The following AUTS2 variants were observed in gnomAD, a reference collection of about 807,000 sequenced individuals.
AUTS2 encodes autism susceptibility gene 2 protein.
Under a neutral mutation model 112.4 loss-of-function variants are expected in AUTS2, and 17 were observed. That is an observed-to-expected ratio of 0.15 (90% CI 0.10 to 0.23). The LOEUF is 0.23. Ranked by LOEUF, AUTS2 falls within the 10% of genes least tolerant of loss-of-function variation. AUTS2 has a pLI of 1.00. For synonymous variants in AUTS2, 751 were observed against 702.7 expected (o/e 1.07, Z -1.09); for missense variants, 1,510 against 1,701.6 (o/e 0.89, Z 1.98).
At chr7:70,575,233 G>A (rs1477281016) in intron 5 of AUTS2, among the ~76,000 whole-genome samples, 4 of 152,126 alleles carry the variant, frequency 2.6e-5, no homozygotes, top group African/African-American at 9.7e-5. Flanking sequence ...CCTTCTCCAG[G>A]AACAGAAAGC....
intron 4 of AUTS2, among the ~76,000 whole-genome samples, chr7:70,226,055 A>G (rs986352817): frequency 1.3e-5 from 2 of 152,238 alleles, no homozygotes; most frequent in African/African-American, 4.8e-5. Context: ...AGTTTATTCA[A>G]TTGAACATGT....
At chr7:70,162,631 T>C (rs1330733351) in intron 4 of AUTS2, among the ~76,000 whole-genome samples, 6 of 152,162 alleles carry the variant, frequency 3.9e-5, no homozygotes, top group Non-Finnish European at 8.8e-5. Flanking sequence ...CTAAGACTGC[T>C]ACTATAAATC....
At chr7:69,963,210 G>A (rs1797500257) in intron 2 of AUTS2, among the ~76,000 whole-genome samples, 1 of 152,068 alleles carries the variant, frequency 6.6e-6, no homozygotes. Flanking sequence ...TTAAGGATAA[G>A]TTATTAATAA....
chr7:70,091,685 A>T (rs989645355), intron 2 of AUTS2, among the ~76,000 whole-genome samples: 2 of 152,174 alleles, frequency 1.3e-5, no homozygotes. Context: ...TTCTTGGCAG[A>T]TGAAGGATAA....
chr7:70,785,958 C>G lies in AUTS2; in HGVS notation c.2228C>G (p.Pro743Arg). 6.2e-7 allele frequency: 1 copy of G among 1,613,914 alleles called. No individual in the cohort carries two copies. Residue 743 changes from proline (P) to arginine (R), a missense_variant, in exon 17 of 19, where the codon CCT becomes CGT. By Grantham distance (103) the Pro-to-Arg change is moderately radical. Coordinates refer to ENST00000342771, the MANE Select transcript of AUTS2 (RefSeq NM_015570.4). ...TTCTTCCCCATCTTGTTTGCAGAGCCTTTTAATCGGCCGTCTACATTCACA... is the reference window on the plus strand; with the variant it reads ...TTCTTCCCCATCTTGTTTGCAGAGCGTTTTAATCGGCCGTCTACATTCACA... Reference protein sequence around the residue: ...NFLNPAAHLEPFNRPSTFTGL... With the variant: ...NFLNPAAHLERFNRPSTFTGL...
At chr7:70,448,001 G>A (rs989745836) in intron 5 of AUTS2, among the ~76,000 whole-genome samples, 11 of 152,098 alleles carry the variant, frequency 7.2e-5, no homozygotes, top group African/African-American at 2.2e-4. Flanking sequence ...TCTTTAAAAG[G>A]ACAATTTAAG....
At chr7:70,574,624 C>CT (rs1393419761) in intron 5 of AUTS2, among the ~76,000 whole-genome samples, 2 of 152,122 alleles carry the variant, frequency 1.3e-5, no homozygotes, top group Non-Finnish European at 2.9e-5. Flanking sequence ...TGGGTTTTAA[C>CT]TTTAACACAG....
chr7:70,714,013 C>T (rs537372057), intron 6 of AUTS2, among the ~76,000 whole-genome samples: 1 of 152,196 alleles, frequency 6.6e-6, no homozygotes, highest in East Asian at 1.9e-4. Context: ...CTGATGTTTC[C>T]AGTCCCCTAA....
intron 1 of AUTS2, among the ~76,000 whole-genome samples, chr7:69,652,801 C>G (rs922939809): frequency 8.5e-5 from 13 of 152,068 alleles, no homozygotes; most frequent in African/African-American, 3.1e-4. Flanking sequence ...GCTGGAGGAA[C>G]TGTGAAAAAA....
At chr7:70,678,542 C>A (rs1422594471) in intron 5 of AUTS2, among the ~76,000 whole-genome samples, 4 of 152,214 alleles carry the variant, frequency 2.6e-5, no homozygotes, top group Admixed American at 6.5e-5. Flanking sequence ...ATCTTCACAA[C>A]CCTGGTCTTT....
intron 1 of AUTS2, among the ~76,000 whole-genome samples, chr7:69,870,005 C>T (rs11974201): frequency 0.35 from 52,816 of 151,888 alleles, 9,638 homozygotes; most frequent in African/African-American, 0.46. Flanking sequence ...TCCTAATTGT[C>T]CCAGTTTTCA....
intron 4 of AUTS2, among the ~76,000 whole-genome samples, chr7:70,284,540 T>G (rs1382459666): frequency 6.6e-6 from 1 of 152,202 alleles, no homozygotes; most frequent in Non-Finnish European, 1.5e-5. Flanking sequence ...AAATCTATTT[T>G]TGTTTTTATT....
At chr7:70,770,010 A>G (rs549686261) in intron 10 of AUTS2, among the ~76,000 whole-genome samples, 120 of 152,328 alleles carry the variant, frequency 7.9e-4, no homozygotes, top group Non-Finnish European at 1.3e-3. Context: ...GCAGAATACT[A>G]GAAATTTGAG....
rs58289887 is a variant in AUTS2 at position 69,659,583 on chromosome 7, GT to G, written c.309+59642del. Among the ~76,000 whole-genome samples the G allele has an allele frequency of 5.7e-3, 461 of 81,248 alleles. 1 individual carries two copies. The highest frequency in any genetic ancestry group is 0.013 in the Middle Eastern group (1 of 80). 53.3% of individuals were successfully genotyped at this position (81,248 alleles called of 152,430 possible). A position where few individuals can be genotyped will look rare whatever the true frequency, so the allele number is the denominator to read the frequency against. On this transcript the variant is annotated intron_variant, in intron 1 of 18. Transcript: ENST00000342771. ...TGGATGGGAAAGCTGAGGCTTAGTT[GT>G]TTTTTTTTTTTTTTTTTTTTGAGAT...
At chr7:69,733,944 T>C (rs1365210975) in intron 1 of AUTS2, among the ~76,000 whole-genome samples, 4 of 152,184 alleles carry the variant, frequency 2.6e-5, no homozygotes, top group African/African-American at 9.7e-5. Context: ...GGGAAGGCTG[T>C]TTTTTAAATG....
rs961221601 is a variant in AUTS2 at position 70,694,046 on chromosome 7, C to T, written c.691-4523C>T. The T allele has an allele frequency of 1.3e-5, 2 of 151,578 alleles. No individual in the cohort carries two copies. The highest frequency in any genetic ancestry group is 4.8e-5 in the African/African-American group (2 of 41,388). 9.4% of individuals were successfully genotyped at this position (151,578 alleles called of 1,614,324 possible). On this transcript the variant is annotated intron_variant, in intron 5 of 18. Transcript: ENST00000342771. This position sits in a 1 kb window ranked among gnomAD's most constrained non-coding sequence, Gnocchi z 4.1. ...GGCTCGGCGCGCCGAGGAAGTCCCG[C>T]TCCGAGAGCTGCGAGCGTCTGGAGG...
chr7:70,665,715 T>C (rs1807309695), intron 5 of AUTS2, among the ~76,000 whole-genome samples: 2 of 152,150 alleles, frequency 1.3e-5, no homozygotes, highest in South Asian at 4.1e-4. Flanking sequence ...TGTGGGGCTT[T>C]TTAAACCAAA....
chr7:69,858,731 A>T (rs557680729), intron 1 of AUTS2, among the ~76,000 whole-genome samples: 2 of 152,298 alleles, frequency 1.3e-5, no homozygotes, highest in South Asian at 4.1e-4. Context: ...GTACTAAAGA[A>T]TAGGAACAAC....
intron 2 of AUTS2, among the ~76,000 whole-genome samples, chr7:70,079,587 C>G (rs1356536272): frequency 6.6e-6 from 1 of 151,878 alleles, no homozygotes; most frequent in Non-Finnish European, 1.5e-5. Flanking sequence ...TTCATCACTT[C>G]CTTATTAGCT....
Sources: allele counts gnomAD v4.1 joint callset (sites outside exome capture counted in the v4.1 genomes callset), GRCh38; gene constraint gnomAD v4.1.1; non-coding constraint Gnocchi (gnomAD v3.1); transcripts MANE v1.5; gene names NCBI Gene and HGNC (gene_info 2026-07-23, HGNC 2026-07-21).